GLIS3: variants seen among roughly 807,000 people sequenced by gnomAD.
GLIS3 encodes the protein GLIS family zinc finger 3.
In GLIS3, 53 loss-of-function variants were observed where a neutral mutation model predicts 78.6. The observed-to-expected ratio is 0.67, with a 90% CI of 0.54 to 0.85. The LOEUF is 0.85. Ranked by LOEUF, GLIS3 falls within the 40% of genes least tolerant of loss-of-function variation. The pLI, the probability that GLIS3 is intolerant of heterozygous loss-of-function variation, is 0.00. For synonymous variants in GLIS3, 684 were observed against 509.9 expected (o/e 1.34, Z -4.60); for missense variants, 1,703 against 1,231.1 (o/e 1.38, Z -5.74).
At chr9:4,435,249 T>C in the GLIS3 span, among the ~76,000 whole-genome samples, 1 of 152,162 alleles carries the variant, frequency 6.6e-6, no homozygotes, top group South Asian at 2.1e-4. Context: ...TCCCCAAATA[T>C]CTGTTTCATA....
rs542280983 is a variant in GLIS3, at chr9:3,922,340, C to G, written c.1983+10020G>C. ...AAAAAATATATAGAAAGATAGGCACCAAAGTTAAGCCACTGTGATTCATTG... is the reference window on the plus strand; with the variant it reads ...AAAAAATATATAGAAAGATAGGCACGAAAGTTAAGCCACTGTGATTCATTG... On this transcript the variant is annotated intron_variant, in intron 6 of 10. Coordinates refer to ENST00000381971, the MANE Select transcript of GLIS3 (RefSeq NM_001042413.2). 2.2e-4 allele frequency among the ~76,000 whole-genome samples: 34 copies of G among 152,186 alleles called. No homozygotes were observed. In the South Asian group the frequency reaches 7.1e-3, roughly 32 times the overall value.
chr9:3,925,696 C>T (rs1245224141), intron 6 of GLIS3, among the ~76,000 whole-genome samples: 1 of 152,104 alleles, frequency 6.6e-6, no homozygotes, highest in Non-Finnish European at 1.5e-5. Context: ...CACCCTCAAC[C>T]TTGAACTTAA....
chr9:4,040,289 A>G (rs1824691021), intron 4 of GLIS3, among the ~76,000 whole-genome samples: 1 of 148,802 alleles, frequency 6.7e-6, no homozygotes, highest in African/African-American at 2.4e-5. Context: ...CACAAGGTAA[A>G]AAAAACAAAA....
chr9:4,201,907 AG>A (rs1819430121), intron 2 of GLIS3, among the ~76,000 whole-genome samples: 1 of 152,110 alleles, frequency 6.6e-6, no homozygotes, highest in East Asian at 1.9e-4. Context: ...AGGCCGAGGC[AG>A]GAAGTTCACC....
intron 2 of GLIS3, among the ~76,000 whole-genome samples, chr9:4,210,407 T>C (rs1324203432): frequency 1.3e-5 from 2 of 152,188 alleles, no homozygotes; most frequent in African/African-American, 2.4e-5. Flanking sequence ...CCCTCTGCAT[T>C]ATCTGGGAAA....
At chr9:3,990,066 C>T (rs1820100950) in intron 4 of GLIS3, among the ~76,000 whole-genome samples, 1 of 152,196 alleles carries the variant, frequency 6.6e-6, no homozygotes, top group South Asian at 2.1e-4. Flanking sequence ...TCAACAAACA[C>T]TTGAAAGCTG....
Position 4,293,725 on chromosome 9 carries a change from T to G in GLIS3, c.-99+5696A>C, listed in dbSNP as rs528364828. ...GCTGGCTTAGAACTTTAGAAATCAC[T>G]GGTATTCAGAAAGTCTGATCTCTTT... On this transcript the variant is annotated intron_variant, in intron 1 of 10. Transcript: ENST00000381971. 3.9e-5 allele frequency among the ~76,000 whole-genome samples: 6 copies of G among 152,352 alleles called. No homozygotes were observed. The South Asian group carries it at 6.2e-4, about 16-fold the overall frequency.
intron 2 of GLIS3, among the ~76,000 whole-genome samples, chr9:4,179,090 T>A (rs781249797): frequency 1.3e-5 from 2 of 152,222 alleles, no homozygotes; most frequent in African/African-American, 4.8e-5. Context: ...GTGCAATAAT[T>A]CACACCTTGG....
intron 7 of GLIS3, among the ~76,000 whole-genome samples, chr9:3,892,845 A>G (rs1822553002): frequency 6.6e-6 from 1 of 152,170 alleles, no homozygotes; most frequent in South Asian, 2.1e-4. Flanking sequence ...TTTATCCTGA[A>G]TTCTCTGTTT....
At chr9:4,445,258 G>T in the GLIS3 span, among the ~76,000 whole-genome samples, 2 of 152,176 alleles carry the variant, frequency 1.3e-5, no homozygotes, top group Non-Finnish European at 2.9e-5. Context: ...AAACTGTAAA[G>T]TGCTGTAGCA....
intron 4 of GLIS3, among the ~76,000 whole-genome samples, chr9:4,115,708 A>C (rs887251604): frequency 2.0e-5 from 3 of 152,166 alleles, no homozygotes; most frequent in Admixed American, 6.5e-5. Flanking sequence ...TTAGAAGAAA[A>C]TGAAGGCTTC....
chr9:3,854,779 C>G (rs1819657281), intron 9 of GLIS3, among the ~76,000 whole-genome samples: 1 of 151,902 alleles, frequency 6.6e-6, no homozygotes, highest in Non-Finnish European at 1.5e-5. Flanking sequence ...CTCCTAACCT[C>G]ATGATCCACC....
chr9:4,409,559 T>C, the GLIS3 span, among the ~76,000 whole-genome samples: 1 of 152,208 alleles, frequency 6.6e-6, no homozygotes, highest in African/African-American at 2.4e-5. Context: ...ATGATAATTA[T>C]GGAACATACA....
At chr9:4,132,103 G>C (rs1389969624) in intron 2 of GLIS3, among the ~76,000 whole-genome samples, 1 of 149,436 alleles carries the variant, frequency 6.7e-6, no homozygotes, top group African/African-American at 2.5e-5. Context: ...AAAGTTTCCT[G>C]AAAACAAACC....
chr9:4,026,046 T>A (rs1027713922), intron 4 of GLIS3, among the ~76,000 whole-genome samples: 1 of 152,226 alleles, frequency 6.6e-6, no homozygotes, highest in Non-Finnish European at 1.5e-5. Flanking sequence ...GCTTTGAGTC[T>A]AATCATAATC....
At chr9:4,124,380 A>T (rs1466780070) in intron 3 of GLIS3, among the ~76,000 whole-genome samples, 1 of 152,224 alleles carries the variant, frequency 6.6e-6, no homozygotes, top group Non-Finnish European at 1.5e-5. Flanking sequence ...TACATGGCTT[A>T]AGCAGTCTGT....
intron 2 of GLIS3, among the ~76,000 whole-genome samples, chr9:4,215,853 C>A (rs1427397063): frequency 6.6e-6 from 1 of 152,166 alleles, no homozygotes; most frequent in Admixed American, 6.5e-5. Flanking sequence ...AAAAGAAAGG[C>A]ACACTCAGTA....
chr9:4,402,962 G>T, the GLIS3 span, among the ~76,000 whole-genome samples: 1 of 152,122 alleles, frequency 6.6e-6, no homozygotes, highest in Non-Finnish European at 1.5e-5. Context: ...TCAAGTATGA[G>T]AAGGTTAATA....
At chr9:3,861,345 G>A (rs893398985) in intron 8 of GLIS3, among the ~76,000 whole-genome samples, 5 of 152,124 alleles carry the variant, frequency 3.3e-5, no homozygotes, top group East Asian at 1.9e-4. Flanking sequence ...TGTAGAAGCC[G>A]TGTGGTGATT....
Sources: allele counts gnomAD v4.1 joint callset (sites outside exome capture counted in the v4.1 genomes callset), GRCh38; gene constraint gnomAD v4.1.1; transcripts MANE v1.5; gene names NCBI Gene and HGNC (gene_info 2026-07-23, HGNC 2026-07-21).